Variants in FOXN3 observed in about 807,000 individuals in gnomAD.
FOXN3 encodes forkhead box N3.
A neutral mutation model predicts 38.4 loss-of-function variants in FOXN3; 7 were observed. That is an observed-to-expected ratio of 0.18 (90% CI 0.10 to 0.34). The LOEUF is 0.34. Ranked by LOEUF, FOXN3 falls within the 10% of genes least tolerant of loss-of-function variation. The pLI, the probability that FOXN3 is intolerant of heterozygous loss-of-function variation, is 1.00. For synonymous variants in FOXN3, 230 were observed against 242.2 expected (o/e 0.95, Z 0.47); for missense variants, 456 against 613.4 (o/e 0.74, Z 2.71).
chr14:89,615,529 G>A (rs914420000), intron 1 of FOXN3, among the ~76,000 whole-genome samples: 3 of 152,246 alleles, frequency 2.0e-5, no homozygotes, highest in Admixed American at 6.5e-5. Context: ...CTTTCGAAAC[G>A]AAGTGTTCTG....
At chr14:89,335,147 G>A (rs1037323216) in intron 3 of FOXN3, among the ~76,000 whole-genome samples, 2 of 150,878 alleles carry the variant, frequency 1.3e-5, no homozygotes, top group Non-Finnish European at 2.9e-5. Flanking sequence ...TGAGGTAATA[G>A]ATATGTTAAA....
chr14:89,420,655 G>A (rs1891879282), upstream of FOXN3, among the ~76,000 whole-genome samples: 1 of 152,170 alleles, frequency 6.6e-6, no homozygotes, highest in Non-Finnish European at 1.5e-5. Context: ...CTCATTCACT[G>A]AACAAATATT....
intron 2 of FOXN3, among the ~76,000 whole-genome samples, chr14:89,388,028 C>A (rs989121627): frequency 2.0e-5 from 3 of 152,176 alleles, no homozygotes; most frequent in Non-Finnish European, 2.9e-5. Context: ...ACTAAAAATA[C>A]AAAAATTAGC....
intron 3 of FOXN3, among the ~76,000 whole-genome samples, chr14:89,322,970 A>C (rs1887936808): frequency 6.6e-6 from 1 of 152,212 alleles, no homozygotes; most frequent in South Asian, 2.1e-4. Flanking sequence ...GCTAAGGAGA[A>C]AACTTAAAGG....
chr14:89,576,868 T>C (rs925077671), intron 1 of FOXN3: 5 of 152,216 alleles, frequency 3.3e-5, no homozygotes, highest in Non-Finnish European at 7.3e-5. Context: ...AGTCAAAGAA[T>C]TGGATACTAG....
At chr14:89,551,100 C>T (rs1486735437) in intron 1 of FOXN3, among the ~76,000 whole-genome samples, 1 of 152,148 alleles carries the variant, frequency 6.6e-6, no homozygotes, top group Admixed American at 6.5e-5. Flanking sequence ...TGGTTCCTTG[C>T]CCGGGATAGA....
At chr14:89,311,638 A>G (rs188135418) in intron 3 of FOXN3, among the ~76,000 whole-genome samples, 3 of 146,082 alleles carry the variant, frequency 2.1e-5, no homozygotes, top group Admixed American at 2.0e-4. Flanking sequence ...CATCCTGGCT[A>G]ACCGGATGAA....
intron 1 of FOXN3, among the ~76,000 whole-genome samples, chr14:89,490,088 T>A (rs781554766): frequency 1.3e-5 from 2 of 152,202 alleles, no homozygotes; most frequent in African/African-American, 4.8e-5. Flanking sequence ...AGAGATCTTT[T>A]TTGCCACAGT....
At chr14:89,285,224 C>T (rs889243010) in intron 3 of FOXN3, among the ~76,000 whole-genome samples, 7 of 152,110 alleles carry the variant, frequency 4.6e-5, no homozygotes, top group African/African-American at 1.7e-4. Flanking sequence ...CTAGGACCTA[C>T]AAAAGAGAGA....
intron 1 of FOXN3, among the ~76,000 whole-genome samples, chr14:89,494,794 A>G (rs988007287): frequency 2.6e-5 from 4 of 152,252 alleles, no homozygotes; most frequent in Admixed American, 6.5e-5. Flanking sequence ...TTAACAAGGG[A>G]TTCATCTGTC....
chr14:89,513,065 G>A (rs990215801), intron 1 of FOXN3, among the ~76,000 whole-genome samples: 2 of 151,330 alleles, frequency 1.3e-5, no homozygotes, highest in Non-Finnish European at 2.9e-5. Flanking sequence ...GCTTGAACTC[G>A]GGGGTCAGAG....
At chr14:89,386,678 C>G (rs564827598) in intron 2 of FOXN3, among the ~76,000 whole-genome samples, 1 of 152,360 alleles carries the variant, frequency 6.6e-6, no homozygotes, top group South Asian at 2.1e-4. Flanking sequence ...CAAAATACCA[C>G]AGACTGCGTG....
In FOXN3 at chr14:89,230,407, T is replaced by C. The variant is rs143643238; in HGVS notation, c.746-49601A>G. 3.6e-4 allele frequency among the ~76,000 whole-genome samples: 55 copies of C among 152,284 alleles called. No individual in the cohort carries two copies. In the East Asian group the frequency reaches 0.011, roughly 29 times the overall value. ...CTGATGAAAGCCAGGCTGTGTGAAATGGAATTCCAGCTAAAGCACTCGTGT... is the reference window on the plus strand; with the variant it reads ...CTGATGAAAGCCAGGCTGTGTGAAACGGAATTCCAGCTAAAGCACTCGTGT... On this transcript the variant is annotated intron_variant, in intron 4 of 5. Transcript: ENST00000557258.
At chr14:89,570,355 AT>A (rs1370003754) in intron 1 of FOXN3, among the ~76,000 whole-genome samples, 1 of 152,070 alleles carries the variant, frequency 6.6e-6, no homozygotes, top group East Asian at 1.9e-4. Flanking sequence ...CTTGTGGCCC[AT>A]TTCAAGTTCT....
At chr14:89,498,279 C>T (rs899925303) in intron 1 of FOXN3, among the ~76,000 whole-genome samples, 2 of 131,462 alleles carry the variant, frequency 1.5e-5, no homozygotes, top group African/African-American at 3.1e-5. Flanking sequence ...TACGGTGGTA[C>T]GATCTCGATC....
At chr14:89,347,508 T>C (rs1888796703) in intron 3 of FOXN3, among the ~76,000 whole-genome samples, 1 of 152,160 alleles carries the variant, frequency 6.6e-6, no homozygotes, top group Admixed American at 6.5e-5. Flanking sequence ...CTCCAGAACC[T>C]TGAGACAGTA....
chr14:89,402,749 C>G (rs1891284455), intron 2 of FOXN3, among the ~76,000 whole-genome samples: 2 of 152,222 alleles, frequency 1.3e-5, no homozygotes, highest in Non-Finnish European at 2.9e-5. Flanking sequence ...TGGAAACCCG[C>G]AATGCCCTAA....
chr14:89,498,345 C>T (rs1210743007), intron 1 of FOXN3, among the ~76,000 whole-genome samples: 2 of 151,696 alleles, frequency 1.3e-5, no homozygotes, highest in African/African-American at 2.4e-5. Context: ...GCCTCAGCCT[C>T]CAGAGTAGCT....
chr14:89,536,477 G>A (rs1196004538), intron 1 of FOXN3, among the ~76,000 whole-genome samples: 4 of 152,212 alleles, frequency 2.6e-5, no homozygotes, highest in South Asian at 2.1e-4. Context: ...TGAAAAGTGA[G>A]GCTTATAAAG....
Sources: allele counts gnomAD v4.1 joint callset (sites outside exome capture counted in the v4.1 genomes callset), GRCh38; gene constraint gnomAD v4.1.1; transcripts MANE v1.5; gene names NCBI Gene and HGNC (gene_info 2026-07-23, HGNC 2026-07-21).